RIMS2: variants seen among roughly 807,000 people sequenced by gnomAD.
The protein encoded by RIMS2 is regulating synaptic membrane exocytosis protein 2.
RIMS2 carries 59 observed loss-of-function variants against 174.4 expected under a neutral mutation model. The observed-to-expected ratio is 0.34, with a 90% CI of 0.27 to 0.42. RIMS2 has a LOEUF of 0.42. RIMS2 is among the 10% of genes least tolerant of loss of function. The pLI is 1.00. For missense variants in RIMS2, 1,620 were observed against 1,666.3 expected (o/e 0.97, Z 0.48); for synonymous variants, 606 against 572.5 (o/e 1.06, Z -0.84).
intron 3 of RIMS2, chr8:103,768,497 G>T: frequency 1.0e-6 from 1 of 964,304 alleles, no homozygotes; most frequent in Non-Finnish European, 1.7e-6. Context: ...TCATGGCCGT[G>T]TCCGCCTGCT....
intron 12 of RIMS2, among the ~76,000 whole-genome samples, chr8:103,933,985 A>C (rs1233500392): frequency 6.6e-6 from 1 of 152,148 alleles, no homozygotes; most frequent in Non-Finnish European, 1.5e-5. Flanking sequence ...AATTTCAGTT[A>C]AGCCATGTGA....
At chr8:103,607,637 C>G (rs1384115679) in intron 1 of RIMS2, among the ~76,000 whole-genome samples, 2 of 142,030 alleles carry the variant, frequency 1.4e-5, no homozygotes, top group African/African-American at 5.4e-5. Context: ...TTCAGGTACA[C>G]CAATCAGACG....
intron 3 of RIMS2, among the ~76,000 whole-genome samples, chr8:103,872,988 A>C (rs2099119583): frequency 6.6e-6 from 1 of 152,188 alleles, no homozygotes; most frequent in Middle Eastern, 3.2e-3. Flanking sequence ...ATTAATTCTT[A>C]CTGCTATCTT....
intron 3 of RIMS2, among the ~76,000 whole-genome samples, chr8:103,864,686 C>T (rs960441149): frequency 2.0e-5 from 3 of 152,140 alleles, no homozygotes; most frequent in African/African-American, 7.2e-5. Context: ...CATATATTAT[C>T]TCATTTAATT....
intron 1 of RIMS2, among the ~76,000 whole-genome samples, chr8:103,611,487 G>A (rs562499771): frequency 1.3e-5 from 2 of 151,272 alleles, no homozygotes; most frequent in African/African-American, 2.4e-5. Context: ...TTATAGGATA[G>A]GTCTAGTGTT....
At chr8:104,041,341 C>T (rs1444624304) in intron 19 of RIMS2, 7 of 697,714 alleles carry the variant, frequency 1.0e-5, no homozygotes, top group Non-Finnish European at 1.8e-5. Flanking sequence ...CTGGACTCTA[C>T]AAGGAGAAGA....
intron 3 of RIMS2, among the ~76,000 whole-genome samples, chr8:103,852,544 C>G (rs1340683577): frequency 6.6e-6 from 1 of 151,378 alleles, no homozygotes; most frequent in African/African-American, 2.4e-5. Flanking sequence ...TTTTTTGACC[C>G]AAACCTCGCT....
chr8:104,119,069 C>T (rs1207757112), intron 19 of RIMS2, among the ~76,000 whole-genome samples: 2 of 151,892 alleles, frequency 1.3e-5, no homozygotes, highest in Non-Finnish European at 2.9e-5. Flanking sequence ...AAATTTAGGC[C>T]AGGCGTGGTG....
At chr8:103,996,541 T>C (rs2095111596) in intron 17 of RIMS2, among the ~76,000 whole-genome samples, 1 of 151,906 alleles carries the variant, frequency 6.6e-6, no homozygotes, top group Non-Finnish European at 1.5e-5. Flanking sequence ...TGTTGGAATA[T>C]AAGATCAGGA....
At chr8:103,904,030 A>G (rs531226703) in intron 4 of RIMS2, among the ~76,000 whole-genome samples, 7 of 152,242 alleles carry the variant, frequency 4.6e-5, no homozygotes, top group African/African-American at 1.4e-4. Flanking sequence ...CACCACTTCT[A>G]TAAAGATGAA....
chr8:103,938,378 A>C (rs2081765757), intron 13 of RIMS2, among the ~76,000 whole-genome samples: 1 of 151,720 alleles, frequency 6.6e-6, no homozygotes, highest in African/African-American at 2.4e-5. Flanking sequence ...GTGCAGGGGA[A>C]CTCCTCTTTA....
chr8:103,936,864 G>T, intron 13 of RIMS2, 142 bp downstream of exon 15: 1 of 534,394 alleles, frequency 1.9e-6, no homozygotes, highest in South Asian at 3.2e-5. Context: ...GGGAGGCCGA[G>T]GGGGGCGGAT....
At chr8:103,632,176 T>C (rs1328227781) in intron 1 of RIMS2, among the ~76,000 whole-genome samples, 1 of 152,186 alleles carries the variant, frequency 6.6e-6, no homozygotes, top group Non-Finnish European at 1.5e-5. Context: ...ATAGGAGTAG[T>C]GAGAGAGGGC....
At chr8:104,189,582 T>TTTTATATATATATA (rs1554596362) in intron 19 of RIMS2, among the ~76,000 whole-genome samples, 1 of 145,226 alleles carries the variant, frequency 6.9e-6, no homozygotes, top group East Asian at 2.0e-4. Flanking sequence ...AATATATACA[T>TTTTATATATATATA]TATATATATA....
chr8:103,989,359 T>C lies in RIMS2; in HGVS notation c.2982T>C (p.Asn994=), dbSNP rs766062874. ...CCCGCACTATGACCGGACATTATAA[T>C]ACAATTAGCCGAATGGACAGACATC... Residue 994 remains asparagine, a synonymous_variant, in exon 17 of 24, where the codon AAT becomes AAC. Coordinates refer to ENST00000504942, the Ensembl canonical transcript of RIMS2. 10 of 1,613,836 alleles carry C rather than the reference T, an allele frequency of 6.2e-6. No individual in the cohort carries two copies. The Admixed American group carries it at 8.3e-5, about 13-fold the overall frequency.
intron 19 of RIMS2, among the ~76,000 whole-genome samples, chr8:104,101,844 A>T (rs538901626): frequency 5.3e-5 from 8 of 152,256 alleles, no homozygotes; most frequent in Non-Finnish European, 1.2e-4. Flanking sequence ...CTTTATTTAG[A>T]ATTTGATCTC....
intron 2 of RIMS2, among the ~76,000 whole-genome samples, chr8:103,722,823 A>G (rs2097470294): frequency 6.6e-6 from 1 of 152,122 alleles, no homozygotes; most frequent in African/African-American, 2.4e-5. Context: ...GCTGGGAGAG[A>G]ACTCCTTATG....
chr8:103,803,381 C>T (rs1210788118), intron 3 of RIMS2, among the ~76,000 whole-genome samples: 1 of 151,968 alleles, frequency 6.6e-6, no homozygotes, highest in Non-Finnish European at 1.5e-5. Flanking sequence ...GTCTTGGGGC[C>T]TCTTTACAAT....
chr8:104,068,627 T>A lies in RIMS2; in HGVS notation c.3334+54012T>A. 7.7e-7 allele frequency: 1 copy of A among 1,304,262 alleles called. No individual in the cohort carries two copies. Among genetic ancestry groups the A allele is most frequent in the African/African-American group, 1.5e-5 (1 of 68,624 alleles). The allele number at this position is 1,304,262 out of a possible 1,614,324, so 80.8% of individuals were successfully genotyped here. ...ACCATTCGAAGGCAAGACATTTTTCTTTTTAAAAGTTGTAAAATAATCAAT... is the reference window on the plus strand; with the variant it reads ...ACCATTCGAAGGCAAGACATTTTTCATTTTAAAAGTTGTAAAATAATCAAT... On this transcript the variant is annotated intron_variant, in intron 19 of 23. Transcript: ENST00000504942.
Sources: allele counts gnomAD v4.1 joint callset (sites outside exome capture counted in the v4.1 genomes callset), GRCh38; gene constraint gnomAD v4.1.1; transcripts MANE v1.5; gene names NCBI Gene and HGNC (gene_info 2026-07-23, HGNC 2026-07-21).